Variants in PCDHGB4 observed in about 807,000 individuals in gnomAD.
The protein encoded by PCDHGB4 is protocadherin gamma subfamily B, 4, also known as protocadherin gamma-B4.
PCDHGB4 carries 38 observed loss-of-function variants against 60.5 expected under a neutral mutation model. That is an observed-to-expected ratio of 0.63 (90% CI 0.48 to 0.82). The LOEUF is 0.82. Ranked by LOEUF, PCDHGB4 falls within the 40% of genes least tolerant of loss-of-function variation. PCDHGB4 has a pLI of 0.00. For missense variants in PCDHGB4, 1,109 were observed against 1,209.6 expected (o/e 0.92, Z 1.23); for synonymous variants, 456 against 509.7 (o/e 0.89, Z 1.42).
chr5:141,486,089 G>T lies in PCDHGB4; in HGVS notation c.2398-8718G>T, dbSNP rs2099624123. On this transcript the variant is annotated intron_variant, in intron 1 of 3. Coordinates refer to ENST00000519479, the MANE Select transcript of PCDHGB4 (RefSeq NM_003736.4). The surrounding 1 kb of genome is among the most constrained non-coding windows in gnomAD (Gnocchi z 5.0). ...CACTACTGGAAAGCTTACTCTTTTG[G>T]GGCCCCTAGACTTTGAGAGTGAGAA... is the stretch of plus-strand genomic sequence containing the variant. 1 of 1,614,084 alleles carries T rather than the reference G, an allele frequency of 6.2e-7. No individual in the cohort carries two copies. The highest frequency in any genetic ancestry group is 8.5e-7 in the Non-Finnish European group (1 of 1,180,014).
At chr5:141,410,281 G>A (rs368378842) in intron 1 of PCDHGB4, 33 of 1,613,938 alleles carry the variant, frequency 2.0e-5, no homozygotes, top group Non-Finnish European at 2.0e-5. Context: ...TTTACCTGGT[G>A]GTGGCCTTGG....
At chr5:141,435,446 G>C (rs889481920) in intron 1 of PCDHGB4, among the ~76,000 whole-genome samples, 5 of 152,060 alleles carry the variant, frequency 3.3e-5, no homozygotes, top group African/African-American at 2.4e-5. Context: ...TCATTAATAC[G>C]ATATCTGTAT....
intron 1 of PCDHGB4, among the ~76,000 whole-genome samples, chr5:141,449,061 A>G (rs1280366583): frequency 1.3e-5 from 2 of 152,190 alleles, no homozygotes; most frequent in Non-Finnish European, 2.9e-5. Context: ...AATGAGCGCT[A>G]TTGAATAGCC....
intron 1 of PCDHGB4, chr5:141,414,389 A>G: frequency 1.9e-6 from 3 of 1,613,926 alleles, no homozygotes; most frequent in African/African-American, 2.7e-5. Context: ...ATTGACAGTT[A>G]TTACAGATTG....
In PCDHGB4 at chr5:141,388,623, T is replaced by C. The variant is rs767536532; in HGVS notation, c.739T>C (p.Tyr247His). The change falls in exon 1 of 4, where the codon TAC becomes CAC. Residue 247 changes from tyrosine to histidine, a missense_variant. This residue lies in a region of PCDHGB4 where 1,068 missense variants were observed against 1,089.9 expected (regional missense o/e 0.98). Transcript: ENST00000519479. ...DNAPVFSQDV[Y>H]RVSLSENVYP... Reference sequence around the variant, plus strand: ...TGCTCCAGTGTTCAGTCAAGACGTATACAGGGTGAGCCTTTCAGAAAACGT... The same window carrying C: ...TGCTCCAGTGTTCAGTCAAGACGTACACAGGGTGAGCCTTTCAGAAAACGT... 3.6e-5 allele frequency: 58 copies of C among 1,613,846 alleles called. No individual in the cohort carries two copies. The highest frequency in any genetic ancestry group is 4.8e-5 in the Non-Finnish European group (57 of 1,179,886).
chr5:141,454,932 C>G (rs945154196), intron 1 of PCDHGB4, among the ~76,000 whole-genome samples: 7 of 150,770 alleles, frequency 4.6e-5, no homozygotes, highest in Non-Finnish European at 1.0e-4. Context: ...CTCAGCCTCC[C>G]GAGTAGCTGG....
At chr5:141,448,663 G>A (rs1195703194) in intron 1 of PCDHGB4, among the ~76,000 whole-genome samples, 3 of 151,920 alleles carry the variant, frequency 2.0e-5, no homozygotes, top group African/African-American at 7.3e-5. Flanking sequence ...CATATTGGCC[G>A]GGCGCGGTGG....
chr5:141,502,470 G>A (rs1017558920), intron 2 of PCDHGB4, among the ~76,000 whole-genome samples: 5 of 150,916 alleles, frequency 3.3e-5, no homozygotes, highest in Admixed American at 2.6e-4. Flanking sequence ...AATACTTCCC[G>A]CAGCATCACA....
At chr5:141,455,899 ATTTATTT>A (rs1441561749) in intron 1 of PCDHGB4, among the ~76,000 whole-genome samples, 5 of 148,258 alleles carry the variant, frequency 3.4e-5, no homozygotes, top group African/African-American at 1.2e-4. Context: ...TTATTTATTT[ATTTATTT>A]ATTTATTTTG....
chr5:141,399,529 G>T (rs946281582), intron 1 of PCDHGB4: 3 of 1,614,010 alleles, frequency 1.9e-6, no homozygotes, highest in Non-Finnish European at 2.5e-6. Flanking sequence ...GGCCTCCATC[G>T]CGCAAGTCTG....
At chr5:141,419,723 C>G (rs373666366) in intron 1 of PCDHGB4, 1 of 1,613,174 alleles carries the variant, frequency 6.2e-7, no homozygotes, top group African/African-American at 1.3e-5. Context: ...CCTGGGGCTG[C>G]GAACAGGCGA....
At chr5:141,421,429 G>T in intron 1 of PCDHGB4, 1 of 1,614,090 alleles carries the variant, frequency 6.2e-7, no homozygotes, top group Non-Finnish European at 8.5e-7. Flanking sequence ...AGTCCGCATC[G>T]TCTCCAGAGG....
Position 141,486,638 on chromosome 5 carries a change from C to T in PCDHGB4, c.2398-8169C>T, listed in dbSNP as rs753730551. 5.6e-6 allele frequency: 9 copies of T among 1,613,700 alleles called. No homozygotes were observed. In the East Asian group the frequency reaches 8.9e-5, roughly 16 times the overall value. On this transcript the variant is annotated intron_variant, in intron 1 of 3. Coordinates refer to ENST00000519479, the MANE Select transcript of PCDHGB4 (RefSeq NM_003736.4). This position sits in a 1 kb window ranked among gnomAD's most constrained non-coding sequence, Gnocchi z 5.0. The stretch of plus-strand genomic sequence containing the variant: ...TGACCCAGACTCTGGCTTGAATGCG[C>T]TTATCTCCTACTCACTCCTGGAGCC...
intron 1 of PCDHGB4, chr5:141,423,880 G>T: frequency 7.8e-7 from 1 of 1,282,292 alleles, no homozygotes; most frequent in Non-Finnish European, 9.9e-7. Flanking sequence ...TTTCAATCTT[G>T]GCATATTTTC....
intron 1 of PCDHGB4, chr5:141,418,101 G>A (rs965772298): frequency 3.7e-6 from 6 of 1,614,082 alleles, no homozygotes; most frequent in Non-Finnish European, 5.1e-6. Flanking sequence ...GACGCGCAGA[G>A]CGGGGACTTA....
At position 141,387,732 on chromosome 5, in the gene PCDHGB4, C is replaced by A. The variant is rs940812767; in HGVS notation, c.-153C>A. 1.2e-5 allele frequency: 15 copies of A among 1,279,330 alleles called. No individual in the cohort carries two copies. The highest frequency in any genetic ancestry group is 1.6e-5 in the South Asian group (1 of 64,002). 79.2% of individuals were successfully genotyped at this position (1,279,330 alleles called of 1,614,324 possible). On this transcript the variant is annotated 5_prime_UTR_variant, in exon 1 of 4. Coordinates refer to ENST00000519479, the MANE Select transcript of PCDHGB4 (RefSeq NM_003736.4). The stretch of plus-strand genomic sequence containing the variant: ...CCAGCTCAGACTCCCCAGCGCCAGC[C>A]TTTACACCGCTTCCTCCTCGGAAAA...
chr5:141,432,615 T>G lies in PCDHGB4; in HGVS notation c.2397+42334T>G. ...GCCAGCGAGCCGGGACTCTTCTCGG[T>G]GGGTCTGCACACGGGCGAGGTGCGC... On this transcript the variant is annotated intron_variant, in intron 1 of 3. Coordinates refer to ENST00000519479, the MANE Select transcript of PCDHGB4 (RefSeq NM_003736.4). The surrounding 1 kb of genome is among the most constrained non-coding windows in gnomAD (Gnocchi z 6.0). The G allele has an allele frequency of 2.5e-6, 4 of 1,613,820 alleles. No homozygotes were observed. The highest frequency in any genetic ancestry group is 1.1e-5 in the South Asian group (1 of 91,054).
chr5:141,405,419 T>C, intron 1 of PCDHGB4: 7 of 1,509,010 alleles, frequency 4.6e-6, no homozygotes, highest in Non-Finnish European at 5.4e-6. Flanking sequence ...TTTTTTGTTT[T>C]TTGTTTTGTT....
At chr5:141,460,733 C>T (rs988651750) in intron 1 of PCDHGB4, among the ~76,000 whole-genome samples, 2 of 150,844 alleles carry the variant, frequency 1.3e-5, no homozygotes, top group Non-Finnish European at 3.0e-5. Context: ...CATATATACA[C>T]ATTGTATATA....
Sources: allele counts gnomAD v4.1 joint callset (sites outside exome capture counted in the v4.1 genomes callset), GRCh38; gene constraint gnomAD v4.1.1; regional missense constraint gnomAD v4.1.1; non-coding constraint Gnocchi (gnomAD v3.1); transcripts MANE v1.5; gene names NCBI Gene and HGNC (gene_info 2026-07-23, HGNC 2026-07-21).